VWA3B: variants seen among roughly 807,000 people sequenced by gnomAD.
VWA3B encodes the protein von Willebrand factor A domain-containing protein 3B.
In VWA3B, 138 loss-of-function variants were observed where a neutral mutation model predicts 158.3. The observed-to-expected ratio is 0.87, with a 90% CI of 0.76 to 1.00. The LOEUF (loss-of-function observed/expected upper bound fraction) is 1.00, where lower values mean the gene tolerates loss of function less well. Ranked by LOEUF, VWA3B falls within the 50% of genes least tolerant of loss-of-function variation. The probability of loss-of-function intolerance (pLI) is 0.00; values close to 1 mark genes in which losing one functional copy is unlikely to be tolerated. For missense variants in VWA3B, 1,555 were observed against 1,565.1 expected (o/e 0.99, Z 0.11); for synonymous variants, 596 against 587.3 (o/e 1.01, Z -0.21).
intron 12 of VWA3B, chr2:98,206,186 C>T (rs1683004457): frequency 6.5e-6 from 1 of 152,864 alleles, no homozygotes; most frequent in South Asian, 2.1e-4. Context: ...GCTGCCTCAG[C>T]CTCCAGGGCC....
At position 98,303,899 on chromosome 2, in the gene VWA3B, G is replaced by A. The variant is rs1313171949; in HGVS notation, c.3521+97G>A. Reference sequence around the variant, plus strand: ...AGATCCATGACCTCTAAATACTAGGGAAGAAAAGTAGAGATGCAGAATGTC... The same window carrying A: ...AGATCCATGACCTCTAAATACTAGGAAAGAAAAGTAGAGATGCAGAATGTC... On this transcript the variant is annotated intron_variant, in intron 26 of 27. Coordinates refer to ENST00000477737, the MANE Select transcript of VWA3B (RefSeq NM_144992.5). 4 of 1,170,430 alleles carry A rather than the reference G, an allele frequency of 3.4e-6. No individual in the cohort carries two copies. The African/African-American group carries it at 4.6e-5, about 14-fold the overall frequency. The allele number at this position is 1,170,430 out of a possible 1,614,324, so 72.5% of individuals were successfully genotyped here. A position where few individuals can be genotyped will look rare whatever the true frequency, so the allele number is the denominator to read the frequency against.
In VWA3B at chr2:98,267,191, G is replaced by A. The variant is rs1197517748; in HGVS notation, c.2844-3491G>A. ...TGATATTGGCTGTGGGTTTGTCATA[G>A]ATAGCTCTTATTATTTTGAGATACG... On this transcript the variant is annotated intron_variant, in intron 21 of 27. Transcript: ENST00000477737. Among the ~76,000 whole-genome samples, 235 of 150,746 alleles carry A rather than the reference G, an allele frequency of 1.6e-3. 1 individual carries two copies. Among genetic ancestry groups the A allele is most frequent in the Admixed American group, 4.0e-3 (60 of 15,146 alleles).
intron 7 of VWA3B, among the ~76,000 whole-genome samples, chr2:98,146,361 AG>A (rs1210371965): frequency 6.6e-6 from 1 of 152,180 alleles, no homozygotes; most frequent in East Asian, 1.9e-4. Context: ...AGGGGAGGAA[AG>A]GTAGGGAAGG....
chr2:98,148,211 C>G (rs1677334895), intron 7 of VWA3B, among the ~76,000 whole-genome samples: 1 of 152,116 alleles, frequency 6.6e-6, no homozygotes, highest in Admixed American at 6.5e-5. Flanking sequence ...CCAAAAAATA[C>G]TTTAAGACAA....
At chr2:98,139,839 C>CCCCCTCAGGT (rs1676616486) in intron 7 of VWA3B, among the ~76,000 whole-genome samples, 1 of 152,084 alleles carries the variant, frequency 6.6e-6, no homozygotes, top group African/African-American at 2.4e-5. Flanking sequence ...GCAGTGGTAA[C>CCCCCTCAGGT]CCCCTCAGGT....
chr2:98,312,282 C>T lies in VWA3B; in HGVS notation c.3818C>T (p.Ala1273Val). 9 of 1,614,144 alleles carry T rather than the reference C, an allele frequency of 5.6e-6. No homozygotes were observed. Among genetic ancestry groups the T allele is most frequent in the African/African-American group, 1.3e-5 (1 of 75,060 alleles). Residue 1273 changes from alanine to valine, a missense_variant, in exon 28 of 28, where the codon GCC becomes GTC. Physicochemically the swap from Ala to Val is moderately conservative, Grantham distance 64. Coordinates refer to ENST00000477737, the MANE Select transcript of VWA3B (RefSeq NM_144992.5). ...AIIATPPPRA[A>V]LPCTLQATHS... ...ATTGCCACACCTCCACCTCGAGCAG[C>T]CCTGCCCTGTACTCTCCAAGCCACC... is the stretch of plus-strand genomic sequence containing the variant.
chr2:98,324,698 T>A, the VWA3B span, among the ~76,000 whole-genome samples: 3 of 152,200 alleles, frequency 2.0e-5, no homozygotes, highest in East Asian at 3.8e-4. Flanking sequence ...TTATTCACCA[T>A]GTAACCATGA....
chr2:98,308,351 G>A lies in VWA3B; in HGVS notation c.3522-3468G>A, dbSNP rs143854250. ...AATAACTGCTCTTCCCTTCCCTTCC[G>A]TTCAGGAGTGTCCCTGAGCTTTCTG... On this transcript the variant is annotated intron_variant, in intron 26 of 27. Transcript: ENST00000477737. Among the ~76,000 whole-genome samples the A allele has an allele frequency of 6.8e-3, 1,035 of 152,288 alleles. 14 individuals are homozygous for A. The highest frequency in any genetic ancestry group is 0.024 in the African/African-American group (992 of 41,554).
the VWA3B span, among the ~76,000 whole-genome samples, chr2:98,329,338 T>C: frequency 1.3e-5 from 2 of 152,200 alleles, no homozygotes; most frequent in East Asian, 3.8e-4. Context: ...TTGATGTTTG[T>C]CTCCATTAAA....
chr2:98,194,330 T>G, intron 11 of VWA3B, 31 bp from the exon 12 acceptor site: 1 of 1,606,394 alleles, frequency 6.2e-7, no homozygotes, highest in Non-Finnish European at 8.5e-7. Context: ...TCTGAGTGGT[T>G]TTATGGTTAA....
At chr2:98,162,699 C>G in intron 7 of VWA3B, 152 bp from the exon 8 acceptor site, 1 of 1,111,596 alleles carries the variant, frequency 9.0e-7, no homozygotes, top group South Asian at 1.6e-5. Flanking sequence ...GATTTCAGTT[C>G]TGATTCTCAG....
In VWA3B at chr2:98,181,247, C is replaced by G. The variant is rs779080128; in HGVS notation, c.1311+35C>G. ...GTGCACTCCTGGGAGGGGCTGGGGCCTCCCCTCAAGTCCTGGGTGGGTGAG... is the reference window on the plus strand; with the variant it reads ...GTGCACTCCTGGGAGGGGCTGGGGCGTCCCCTCAAGTCCTGGGTGGGTGAG... On this transcript the variant is annotated intron_variant, in intron 9 of 27. Coordinates refer to ENST00000477737, the MANE Select transcript of VWA3B (RefSeq NM_144992.5). 2.5e-6 allele frequency: 4 copies of G among 1,601,948 alleles called. No individual in the cohort carries two copies. In the Admixed American group the frequency reaches 6.7e-5, roughly 27 times the overall value.
At chr2:98,197,753 CT>C (rs199509195) in intron 12 of VWA3B, among the ~76,000 whole-genome samples, 10 of 151,944 alleles carry the variant, frequency 6.6e-5, no homozygotes, top group South Asian at 2.1e-4. Flanking sequence ...ATGCATCCAC[CT>C]TTTTTTCCCC....
intron 7 of VWA3B, among the ~76,000 whole-genome samples, chr2:98,157,206 A>G (rs143500300): frequency 1.4e-4 from 21 of 152,306 alleles, no homozygotes; most frequent in African/African-American, 4.8e-4. Flanking sequence ...CTTCTAAGAT[A>G]ACATAATGGC....
chr2:98,095,944 C>A (rs542659820), intron 2 of VWA3B, among the ~76,000 whole-genome samples: 1 of 152,154 alleles, frequency 6.6e-6, no homozygotes, highest in African/African-American at 2.4e-5. Context: ...ATATGTTGAA[C>A]CATCCTTGCA....
chr2:98,179,719 T>C (rs556961081), intron 8 of VWA3B, among the ~76,000 whole-genome samples: 1 of 152,082 alleles, frequency 6.6e-6, no homozygotes, highest in African/African-American at 2.4e-5. Flanking sequence ...TTCTTCTTTC[T>C]TTTTCTTCTC....
At chr2:98,176,944 C>T (rs1477143081) in intron 8 of VWA3B, among the ~76,000 whole-genome samples, 2 of 152,110 alleles carry the variant, frequency 1.3e-5, no homozygotes, top group African/African-American at 4.8e-5. Context: ...GCTGACAGCC[C>T]CCCTGAAAGG....
chr2:98,318,009 G>A (rs1691124293), downstream of VWA3B, among the ~76,000 whole-genome samples: 1 of 152,144 alleles, frequency 6.6e-6, no homozygotes, highest in Non-Finnish European at 1.5e-5. Context: ...AAAATAGTGT[G>A]GCACCAATGA....
At chr2:98,143,182 T>A (rs746870802) in intron 7 of VWA3B, among the ~76,000 whole-genome samples, 1 of 152,066 alleles carries the variant, frequency 6.6e-6, no homozygotes, top group Non-Finnish European at 1.5e-5. Context: ...TGGGATTACA[T>A]GCGCCTGCCA....
Sources: gnomAD v4.1 joint callset for allele counts (sites outside exome capture counted in the v4.1 genomes callset) on GRCh38, gnomAD v4.1.1 for gene constraint, MANE v1.5 for transcripts, NCBI Gene and HGNC (gene_info 2026-07-23, HGNC 2026-07-21) for gene names.